PKD1: variants seen among roughly 807,000 people sequenced by gnomAD.
PKD1 encodes polycystin-1.
A neutral mutation model predicts 361.7 loss-of-function variants in PKD1; 81 were observed. The ratio of observed to expected loss-of-function variants is 0.22; its 90% CI spans 0.19 to 0.27. The LOEUF (loss-of-function observed/expected upper bound fraction) is 0.27. PKD1 is among the 10% of genes least tolerant of loss of function. The pLI, the probability that PKD1 is intolerant of heterozygous loss-of-function variation, is 1.00. For synonymous variants in PKD1, 3,615 were observed against 2,818.3 expected, an observed-to-expected ratio of 1.28 and a Z score of -8.95; for missense variants, 6,399 against 6,118.3, an observed-to-expected ratio of 1.05 and a Z score of -1.53.
chr16:2,110,261 G>C lies in PKD1; in HGVS notation c.4906C>G (p.Gln1636Glu). 6.2e-7 allele frequency: 1 copy of C among 1,612,404 alleles called. No individual in the cohort carries two copies. Among genetic ancestry groups the C allele is most frequent in the East Asian group, 2.2e-5 (1 of 44,882 alleles). The change falls in exon 15 of 46, where the codon CAG (glutamine) becomes GAG (glutamate). Residue 1636 changes from glutamine to glutamate, a missense_variant. Coordinates refer to ENST00000262304, the MANE Select transcript of PKD1 (RefSeq NM_001009944.3). Reference sequence around the variant, plus strand: ...AAGTAGCGGCCACCGCCCACCACCTGCAGCCCCTCTATGAGCTGCAGGACA... The same window carrying C: ...AAGTAGCGGCCACCGCCCACCACCTCCAGCCCCTCTATGAGCTGCAGGACA... ...VYVLQLIEGLQVVGGGRYFPT... is the reference protein window; with the variant it reads ...VYVLQLIEGLEVVGGGRYFPT...
In PKD1 at chr16:2,102,922, T is replaced by C. The variant is rs1466154770; in HGVS notation, c.8840A>G (p.His2947Arg). 1.2e-6 allele frequency: 2 copies of C among 1,609,154 alleles called. No homozygotes were observed. The highest frequency in any genetic ancestry group is 2.2e-5 in the South Asian group (2 of 90,988). Residue 2947 changes from histidine (H) to arginine (R), a missense_variant, in exon 24 of 46, where the codon CAC becomes CGC. His to Arg is a conservative substitution (Grantham distance 29). Coordinates refer to ENST00000262304, the MANE Select transcript of PKD1 (RefSeq NM_001009944.3). Reference protein sequence around the residue: ...EPEPYLAVYLHSEPRPNEHNC... With the variant: ...EPEPYLAVYLRSEPRPNEHNC... Reference sequence around the variant, plus strand: ...GTGCTCATTGGGCCGGGGCTCCGAGTGTAGGTAGACTGCCAGGTAGGGCTC... The same window carrying C: ...GTGCTCATTGGGCCGGGGCTCCGAGCGTAGGTAGACTGCCAGGTAGGGCTC...
intron 1 of PKD1, chr16:2,135,070 C>T: frequency 1.0e-6 from 1 of 972,222 alleles, no homozygotes; most frequent in Non-Finnish European, 1.2e-6. Flanking sequence ...CTTGCACATC[C>T]ATCAAATCCT....
chr16:2,089,861 G>A lies in PKD1; in HGVS notation c.12778C>T (p.Arg4260Cys), dbSNP rs755897784. The A allele has an allele frequency of 3.6e-5, 58 of 1,609,054 alleles. No individual in the cohort carries two copies. Among genetic ancestry groups the A allele is most frequent in the Non-Finnish European group, 4.2e-5 (50 of 1,178,632 alleles). The change falls in exon 46 of 46, where the codon CGT (arginine) becomes TGT (cysteine). Residue 4260 changes from arginine (R) to cysteine (C), a missense_variant. Transcript: ENST00000262304. ...GGCCGCAGGCCCGGGGATGGGCCAC[G>A]GGAAGATCCGGCGGGCGCCCGGCTG... The part of the protein sequence containing the change: ...RSSRAPAGSS[R>C]GPSPGLRPAL...
Position 2,088,877 on chromosome 16 carries a change from GCGCGCACACA to G in PKD1, c.*840_*849del, listed in dbSNP as rs2091273855. ...CCATACAGCACACTCGCGCGTGCGC[GCGCGCACACA>G]CACACACACACAGTCACCTTCCTCC... On this transcript the variant is annotated 3_prime_UTR_variant, in exon 46 of 46. Coordinates refer to ENST00000262304, the MANE Select transcript of PKD1 (RefSeq NM_001009944.3). 6.2e-6 allele frequency: 3 copies of G among 482,032 alleles called. No individual in the cohort carries two copies. Among genetic ancestry groups the G allele is most frequent in the Non-Finnish European group, 1.1e-5 (3 of 274,140 alleles). 29.9% of individuals were successfully genotyped at this position (482,032 alleles called of 1,614,324 possible).
At position 2,109,209 on chromosome 16, in the gene PKD1, C is replaced by T. The variant is rs374784318; in HGVS notation, c.5958G>A (p.Thr1986=). Residue 1986 remains threonine (T), a synonymous_variant, in exon 15 of 46, where the codon ACG becomes ACA. Coordinates refer to ENST00000262304, the MANE Select transcript of PKD1 (RefSeq NM_001009944.3). ...GGGCTGTGAAGTTCCTCTCAGTGCC[C>T]GTGGCGATGCCAGGCTCGCAGCAGT... The part of the protein sequence containing the change: ...VPNCCEPGIA[T]GTERNFTARV... 19 of 1,595,520 alleles carry T rather than the reference C, an allele frequency of 1.2e-5. No homozygotes were observed. Among genetic ancestry groups the T allele is most frequent in the Admixed American group, 3.4e-5 (2 of 59,644 alleles).
At position 2,094,081 on chromosome 16, in the gene PKD1, C is replaced by G. The variant is rs748887731; in HGVS notation, c.10618+11G>C. Reference sequence around the variant, plus strand: ...AGGGGCTAGGGGCATCCCGGGGCTACGCAAGCACACCTGTCCTGGACAGCC... The same window carrying G: ...AGGGGCTAGGGGCATCCCGGGGCTAGGCAAGCACACCTGTCCTGGACAGCC... On this transcript the variant is annotated intron_variant, in intron 35 of 45. Transcript: ENST00000262304. The G allele has an allele frequency of 6.9e-6, 11 of 1,588,286 alleles. No homozygotes were observed. The East Asian group carries it at 2.3e-4, about 33-fold the overall frequency.
chr16:2,115,879 C>T, intron 9 of PKD1, 113 bp downstream of exon 9: 1 of 1,270,144 alleles, frequency 7.9e-7, no homozygotes, highest in Non-Finnish European at 1.1e-6. Flanking sequence ...CTCTGTCCAC[C>T]TAAGACTGGG....
chr16:2,096,794 CGT>C lies in PKD1; in HGVS notation c.10499+352_10499+353del, dbSNP rs2091866151. 1.4e-4 allele frequency: 45 copies of C among 324,422 alleles called. No individual in the cohort carries two copies. In the South Asian group the frequency reaches 1.4e-3, roughly 10 times the overall value. The allele number at this position is 324,422 out of a possible 1,614,324, so 20.1% of individuals were successfully genotyped here. The stretch of plus-strand genomic sequence containing the variant: ...GGCCTCCCAAAGTGCTGGGATTACA[CGT>C]GTGAGCCACCGCGCCCGGCCAAAAA... On this transcript the variant is annotated intron_variant, in intron 34 of 45. Transcript: ENST00000262304.
At chr16:2,126,374 G>C (rs1232867328) in intron 1 of PKD1, among the ~76,000 whole-genome samples, 2 of 152,268 alleles carry the variant, frequency 1.3e-5, no homozygotes, top group African/African-American at 2.4e-5. Flanking sequence ...CGCTGCTAAG[G>C]TCAGGAATGC....
intron 1 of PKD1, among the ~76,000 whole-genome samples, chr16:2,131,184 A>G (rs978433904): frequency 1.3e-5 from 2 of 152,200 alleles, no homozygotes; most frequent in Non-Finnish European, 2.9e-5. Context: ...AAATTGCACA[A>G]GGAAAAAGAG....
In PKD1 at chr16:2,112,879, C is replaced by A; in HGVS notation, c.3070G>T (p.Val1024Phe). The change falls in exon 13 of 46, where the codon GTC (valine) becomes TTC (phenylalanine). Residue 1024 changes from valine to phenylalanine, a missense_variant. Val to Phe is a conservative substitution (Grantham distance 50). Coordinates refer to ENST00000262304, the MANE Select transcript of PKD1 (RefSeq NM_001009944.3). ...ERMNRMQGLQ[V>F]STVPAVLSPN... ...GACAGCACGGCCGGCACTGTGGAGA[C>A]CTGCAGACCCTGCATCCTGTTCATC... is the stretch of plus-strand genomic sequence containing the variant. 6.2e-7 allele frequency: 1 copy of A among 1,606,982 alleles called. No individual in the cohort carries two copies. The highest frequency in any genetic ancestry group is 8.5e-7 in the Non-Finnish European group (1 of 1,179,640).
Position 2,097,993 on chromosome 16 carries a change from C to G in PKD1, c.10051-9G>C, listed in dbSNP as rs541480160. The G allele has an allele frequency of 6.5e-7, 1 of 1,536,670 alleles. No individual in the cohort carries two copies. Among genetic ancestry groups the G allele is most frequent in the Non-Finnish European group, 8.9e-7 (1 of 1,117,556 alleles). On this transcript the variant is annotated splice_polypyrimidine_tract_variant and intron_variant, in intron 30 of 45. Coordinates refer to ENST00000262304, the MANE Select transcript of PKD1 (RefSeq NM_001009944.3). ...CTCGGGCTCCCAGCCACCTGCAGGA[C>G]GAGGGCAGTGGTCAGCGGGCGGCAG...
intron 34 of PKD1, 143 bp from the exon 35 acceptor site, chr16:2,094,353 A>C (rs2091751514): frequency 1.5e-6 from 1 of 683,084 alleles, no homozygotes; most frequent in Non-Finnish European, 2.6e-6. Context: ...CCCTACCCCA[A>C]ACGAGAGTGG....
intron 26 of PKD1, among the ~76,000 whole-genome samples, chr16:2,101,719 G>A (rs977571342): frequency 6.6e-5 from 10 of 152,260 alleles, no homozygotes; most frequent in African/African-American, 2.4e-4. Flanking sequence ...GGGTGCTGGC[G>A]CCTCCGTCTG....
Position 2,102,516 on chromosome 16 carries a change from G to A in PKD1, c.9066C>T (p.Asp3022=), listed in dbSNP as rs1335652808. The part of the protein sequence containing the change: ...TSLCQYFSEE[D]MVWRTEGLLP... ...GCAGCCCCTCTGTCCGCCACACCAT[G>A]TCCTCCTCGCTGAAGTACTGGCACA... The change falls in exon 25 of 46, where the codon GAC becomes GAT. Residue 3022 remains aspartate, a synonymous_variant. Coordinates refer to ENST00000262304, the MANE Select transcript of PKD1 (RefSeq NM_001009944.3). 5.0e-6 allele frequency: 8 copies of A among 1,602,916 alleles called. No individual in the cohort carries two copies. The highest frequency in any genetic ancestry group is 1.1e-5 in the South Asian group (1 of 89,988).
rs769711984 is a variant in PKD1, at chr16:2,114,421, C to T, written c.2602G>A (p.Ala868Thr). The change falls in exon 11 of 46, where the codon GCC (alanine) becomes ACC (threonine). Residue 868 changes from alanine to threonine, a missense_variant. Coordinates refer to ENST00000262304, the MANE Select transcript of PKD1 (RefSeq NM_001009944.3). ...GCAGGGCAGACATTCTCAAAGCGGG[C>T]GCTGACACTGCCCCCAGGCCAGCGA... ...TARWPGGSVS[A>T]RFENVCPALV... 8.1e-6 allele frequency: 13 copies of T among 1,602,426 alleles called. No individual in the cohort carries two copies. The highest frequency in any genetic ancestry group is 1.3e-5 in the African/African-American group (1 of 74,858).
At chr16:2,102,666 A>C (rs772526995) in intron 24 of PKD1, 33 bp from the exon 25 acceptor site, 5 of 1,610,602 alleles carry the variant, frequency 3.1e-6, no homozygotes, top group Non-Finnish European at 4.2e-6. Flanking sequence ...ACGTGAGCCC[A>C]GGCTCCGCCA....
In PKD1 at chr16:2,103,390, G is replaced by A. The variant is rs752447240; in HGVS notation, c.8667C>T (p.Ser2889=). 1.3e-6 allele frequency: 2 copies of A among 1,599,984 alleles called. No individual in the cohort carries two copies. The highest frequency in any genetic ancestry group is 2.2e-5 in the South Asian group (2 of 90,974). The change falls in exon 23 of 46, where the codon AGC becomes AGT. Residue 2889 remains serine, a synonymous_variant. Coordinates refer to ENST00000262304, the MANE Select transcript of PKD1 (RefSeq NM_001009944.3). ...CAACGGAGTTGGCGGAGTTGGCGGA[G>A]CTGCGGTGGCCCCGGGCAGCCCAGT... ...NSDWAARGHR[S]SANSANSVVV... is the part of the protein sequence containing the mutation.
chr16:2,132,386 A>G (rs2432384), intron 1 of PKD1, among the ~76,000 whole-genome samples: 34 of 151,804 alleles, frequency 2.2e-4, no homozygotes, highest in African/African-American at 5.3e-4. Flanking sequence ...TGGCCAACAC[A>G]GTAAAACCCC....
Sources: gnomAD v4.1 joint callset for allele counts (sites outside exome capture counted in the v4.1 genomes callset) on GRCh38, gnomAD v4.1.1 for gene constraint, MANE v1.5 for transcripts, NCBI Gene and HGNC (gene_info 2026-07-23, HGNC 2026-07-21) for gene names.